PCDH15: variants seen among roughly 807,000 people sequenced by gnomAD.
The protein encoded by PCDH15 is protocadherin related 15.
Under a neutral mutation model 178.5 loss-of-function variants are expected in PCDH15, and 129 were observed. The observed-to-expected ratio is 0.72, with a 90% CI of 0.63 to 0.84. The LOEUF (loss-of-function observed/expected upper bound fraction) is 0.84, where lower values mean the gene tolerates loss of function less well. Among genes scored for constraint, PCDH15 ranks in the 40% least tolerant of loss-of-function variants. PCDH15 has a pLI of 0.00. For missense variants in PCDH15, 2,230 were observed against 2,099.9 expected (o/e 1.06, Z -1.21); for synonymous variants, 800 against 732.0 (o/e 1.09, Z -1.50).
chr10:54,997,217 C>A (rs1839671493), intron 2 of PCDH15, among the ~76,000 whole-genome samples: 1 of 152,078 alleles, frequency 6.6e-6, no homozygotes, highest in Non-Finnish European at 1.5e-5. Flanking sequence ...ACCCATGTGA[C>A]CATATTTGTA....
chr10:55,231,606 G>C lies in PCDH15; in HGVS notation c.-155-64955C>G, dbSNP rs751723742. Among the ~76,000 whole-genome samples, 155 of 152,106 alleles carry C rather than the reference G, an allele frequency of 1.0e-3. 3 individuals are homozygous for C. The highest frequency in any genetic ancestry group is 6.2e-4 in the South Asian group (3 of 4,824). On this transcript the variant is annotated intron_variant, in intron 1 of 5. Transcript: ENST00000458638. ...AATTAGCAAATTTCCATTAAGGATA[G>C]GAAATTATTGTAAGCTTTGAAACAA...
intron 9 of PCDH15, among the ~76,000 whole-genome samples, chr10:54,217,337 A>G (rs576786935): frequency 6.6e-6 from 1 of 152,286 alleles, no homozygotes; most frequent in South Asian, 2.1e-4. Context: ...CTGACATCAC[A>G]CCCACAGTGT....
At chr10:55,454,738 T>C (rs1251749777) in intron 2 of PCDH15, among the ~76,000 whole-genome samples, 5 of 147,288 alleles carry the variant, frequency 3.4e-5, no homozygotes, top group African/African-American at 1.3e-4. Flanking sequence ...TGAGCCGAGA[T>C]TGCACCACTG....
intron 14 of PCDH15, among the ~76,000 whole-genome samples, chr10:54,151,494 T>G (rs2133313490): frequency 6.6e-6 from 1 of 152,212 alleles, no homozygotes; most frequent in South Asian, 2.1e-4. Flanking sequence ...TAGCCGGGAT[T>G]GTGCCGCTAC....
At chr10:54,554,225 C>T (rs76282069) in intron 2 of PCDH15, among the ~76,000 whole-genome samples, 3,062 of 152,198 alleles carry the variant, frequency 0.02, 87 homozygotes, top group African/African-American at 0.068. Context: ...CTGGATTACA[C>T]AACCTGAGTT....
At chr10:53,955,047 A>G (rs2087473560) in intron 23 of PCDH15, among the ~76,000 whole-genome samples, 1 of 152,206 alleles carries the variant, frequency 6.6e-6, no homozygotes, top group Non-Finnish European at 1.5e-5. Flanking sequence ...ACTAGGACAC[A>G]GTTGCCTAGC....
chr10:55,259,565 G>C (rs1842095134), intron 1 of PCDH15, among the ~76,000 whole-genome samples: 1 of 151,954 alleles, frequency 6.6e-6, no homozygotes, highest in Admixed American at 6.6e-5. Flanking sequence ...ATTAAGAATA[G>C]GAGGAGACCT....
At chr10:54,503,242 T>TGA (rs2080869361) in intron 3 of PCDH15, among the ~76,000 whole-genome samples, 1 of 114,530 alleles carries the variant, frequency 8.7e-6, no homozygotes, top group African/African-American at 3.1e-5. Flanking sequence ...TGTGTGTGTG[T>TGA]GTGTGTGTGT....
chr10:54,388,436 A>G (rs1420953860), intron 3 of PCDH15, among the ~76,000 whole-genome samples: 1 of 152,194 alleles, frequency 6.6e-6, no homozygotes, highest in East Asian at 1.9e-4. Context: ...CAAGTTGCCC[A>G]GGCTCTGTTA....
At chr10:54,231,758 G>A (rs1275462258) in intron 9 of PCDH15, among the ~76,000 whole-genome samples, 2 of 152,216 alleles carry the variant, frequency 1.3e-5, no homozygotes, top group Non-Finnish European at 2.9e-5. Context: ...AGTCAAAGGA[G>A]ATTATTTTGG....
intron 4 of PCDH15, among the ~76,000 whole-genome samples, chr10:54,376,156 A>C (rs982332922): frequency 2.6e-5 from 4 of 151,676 alleles, no homozygotes; most frequent in African/African-American, 4.8e-5. Context: ...TGGCCTCCCA[A>C]AGTGCTGGGA....
Position 54,709,506 on chromosome 10 carries a change from G to A in PCDH15, c.-28-45216C>T, listed in dbSNP as rs116992986. ...AATAATATCTACTTCCATTGTTGTTGTGAGGATCAAATGACAGGGGGTCTT... is the reference window on the plus strand; with the variant it reads ...AATAATATCTACTTCCATTGTTGTTATGAGGATCAAATGACAGGGGGTCTT... On this transcript the variant is annotated intron_variant, in intron 1 of 37. Transcript: ENST00000644397. Among the ~76,000 whole-genome samples the A allele has an allele frequency of 9.0e-3, 1,355 of 149,792 alleles. 19 individuals carry two copies. The highest frequency in any genetic ancestry group is 0.054 in the East Asian group (278 of 5,118).
intron 23 of PCDH15, among the ~76,000 whole-genome samples, chr10:53,955,254 T>A (rs1360064363): frequency 6.6e-6 from 1 of 152,134 alleles, no homozygotes; most frequent in East Asian, 1.9e-4. Flanking sequence ...AAATAGAGTG[T>A]TGAAGATGGT....
chr10:54,466,250 G>T (rs932799937), intron 3 of PCDH15, among the ~76,000 whole-genome samples: 3 of 151,768 alleles, frequency 2.0e-5, no homozygotes, highest in African/African-American at 7.3e-5. Context: ...TAAAATCTTT[G>T]CCTAGATCAA....
At chr10:55,567,914 A>G (rs1180157802) in intron 2 of PCDH15, among the ~76,000 whole-genome samples, 1 of 151,992 alleles carries the variant, frequency 6.6e-6, no homozygotes, top group Non-Finnish European at 1.5e-5. Context: ...TAAAACAGAA[A>G]ATAATAATTT....
chr10:55,404,711 T>TA (rs1271405109), intron 2 of PCDH15, among the ~76,000 whole-genome samples: 1 of 151,958 alleles, frequency 6.6e-6, no homozygotes, highest in Non-Finnish European at 1.5e-5. Context: ...CTAATATGTT[T>TA]AACATTTGAA....
In PCDH15 at chr10:53,857,931, C is replaced by T. The variant is rs2078863265; in HGVS notation, c.3718-668G>A. 3.3e-5 allele frequency among the ~76,000 whole-genome samples: 5 copies of T among 151,942 alleles called. No individual in the cohort carries two copies. In the South Asian group the frequency reaches 1.0e-3, roughly 32 times the overall value. ...CTGTGCTTACAACATGGCATTTCAT[C>T]TTTTCCTCAATATTCTACAGGTTTA... On this transcript the variant is annotated intron_variant, in intron 27 of 37. Transcript: ENST00000644397.
intron 2 of PCDH15, among the ~76,000 whole-genome samples, chr10:54,658,501 A>G (rs1285491501): frequency 2.6e-5 from 4 of 152,180 alleles, no homozygotes; most frequent in Non-Finnish European, 1.5e-5. Flanking sequence ...AAATAATTTT[A>G]TAATAAATGG....
At chr10:54,223,202 C>T (rs1002198165) in intron 9 of PCDH15, among the ~76,000 whole-genome samples, 1 of 148,648 alleles carries the variant, frequency 6.7e-6, no homozygotes, top group Non-Finnish European at 1.5e-5. Flanking sequence ...TCTAGGTACT[C>T]GAGAGGCTGA....
Sources: gnomAD v4.1 joint callset for allele counts (sites outside exome capture counted in the v4.1 genomes callset) on GRCh38, gnomAD v4.1.1 for gene constraint, MANE v1.5 for transcripts, NCBI Gene and HGNC (gene_info 2026-07-23, HGNC 2026-07-21) for gene names.